STK40: variants seen among roughly 807,000 people sequenced by gnomAD.
STK40 encodes serine/threonine-protein kinase 40.
STK40 carries 13 observed loss-of-function variants against 47.9 expected under a neutral mutation model. The observed-to-expected ratio is 0.27, with a 90% CI of 0.18 to 0.43. The LOEUF (loss-of-function observed/expected upper bound fraction) is 0.43. Ranked by LOEUF, STK40 falls within the 20% of genes least tolerant of loss-of-function variation. The probability of loss-of-function intolerance (pLI) is 1.00; values close to 1 mark genes in which losing one functional copy is unlikely to be tolerated. For missense variants in STK40, 460 were observed against 595.1 expected, an observed-to-expected ratio of 0.77 and a Z score of 2.36; for synonymous variants, 225 against 243.2, an observed-to-expected ratio of 0.93 and a Z score of 0.69.
chr1:36,360,683 G>A (rs934994867), intron 2 of STK40, among the ~76,000 whole-genome samples: 19 of 152,052 alleles, frequency 1.2e-4, no homozygotes, highest in African/African-American at 4.6e-4. Flanking sequence ...CTACAGGCAT[G>A]TGACACCACA....
At chr1:36,348,383 C>G (rs1294047629) in intron 7 of STK40, among the ~76,000 whole-genome samples, 3 of 152,200 alleles carry the variant, frequency 2.0e-5, no homozygotes, top group Admixed American at 6.5e-5. Context: ...CAGGGAATTC[C>G]TAGTTTCCCT....
At chr1:36,356,692 T>A (rs1376336893) in intron 4 of STK40, among the ~76,000 whole-genome samples, 1 of 152,150 alleles carries the variant, frequency 6.6e-6, no homozygotes, top group Non-Finnish European at 1.5e-5. Flanking sequence ...CCCAAAGTGC[T>A]GGGTTTACAG....
intron 1 of STK40, among the ~76,000 whole-genome samples, chr1:36,384,729 A>G (rs1647071028): frequency 6.6e-6 from 1 of 152,246 alleles, no homozygotes; most frequent in Admixed American, 6.5e-5. Flanking sequence ...GACTGTCTAG[A>G]TTAACCCAAC....
chr1:36,367,849 T>G (rs1646914948), intron 1 of STK40: 1 of 985,566 alleles, frequency 1.0e-6, no homozygotes, highest in African/African-American at 1.7e-5. Context: ...GGCAATTACC[T>G]ACTTGACATA....
chr1:36,385,093 T>A (rs968645091), intron 1 of STK40, among the ~76,000 whole-genome samples: 3 of 152,188 alleles, frequency 2.0e-5, no homozygotes, highest in African/African-American at 7.2e-5. Flanking sequence ...CCTACCTAAC[T>A]GGCTGGAAGG....
intron 6 of STK40, among the ~76,000 whole-genome samples, chr1:36,353,954 G>A (rs1255257152): frequency 6.6e-6 from 1 of 152,112 alleles, no homozygotes. Context: ...TGTAGAGATG[G>A]GGTCTTCATT....
intron 1 of STK40, among the ~76,000 whole-genome samples, chr1:36,383,405 A>C (rs748297510): frequency 1.2e-4 from 19 of 152,246 alleles, no homozygotes; most frequent in Non-Finnish European, 2.5e-4. Flanking sequence ...AGAGGGGCAC[A>C]TGTGCCAGGC....
In STK40 at chr1:36,358,250, C is replaced by G; in HGVS notation, c.331G>C (p.Gly111Arg). The change falls in exon 4 of 11, where the codon GGC becomes CGC. Residue 111 changes from glycine (G) to arginine (R), a missense_variant. Gly to Arg is a moderately radical substitution (Grantham distance 125). This residue lies in a region of STK40 where 277 missense variants were observed against 358.7 expected (regional missense o/e 0.77). Transcript: ENST00000373132. ...HTQDGVVHHHGLFQDRTCEIV... is the reference protein window; with the variant it reads ...HTQDGVVHHHRLFQDRTCEIV... ...GGAAGGCCGCTCACCTGGAAGAGGC[C>G]GTGGTGGTGCACCACGCCATCCTGC... The G allele has an allele frequency of 1.3e-6, 2 of 1,589,542 alleles. No individual in the cohort carries two copies. Among genetic ancestry groups the G allele is most frequent in the Non-Finnish European group, 1.7e-6 (2 of 1,160,356 alleles).
At chr1:36,378,260 G>C (rs1647008029) in intron 1 of STK40, among the ~76,000 whole-genome samples, 3 of 152,208 alleles carry the variant, frequency 2.0e-5, no homozygotes, top group Non-Finnish European at 4.4e-5. Context: ...AGCCAGGATG[G>C]AGGAAGGGAA....
At chr1:36,350,736 T>C (rs1282662946) in intron 6 of STK40, among the ~76,000 whole-genome samples, 2 of 152,150 alleles carry the variant, frequency 1.3e-5, no homozygotes, top group African/African-American at 2.4e-5. Context: ...GGTGCCATGG[T>C]GTGACAACAG....
At position 36,385,820 on chromosome 1, in the gene STK40, G is replaced by T; in HGVS notation, c.-106C>A. Reference sequence around the variant, plus strand: ...GGGGGGCCGGGGCCGGGCTGGAGGCGTGCGAGCCTCTCACCGCCGCCTCCC... The same window carrying T: ...GGGGGGCCGGGGCCGGGCTGGAGGCTTGCGAGCCTCTCACCGCCGCCTCCC... On this transcript the variant is annotated 5_prime_UTR_variant, in exon 1 of 11. Coordinates refer to ENST00000373132, the MANE Select transcript of STK40 (RefSeq NM_001282547.2). The T allele has an allele frequency of 5.7e-6, 1 of 174,762 alleles. No individual in the cohort carries two copies. The highest frequency in any genetic ancestry group is 1.2e-5 in the Non-Finnish European group (1 of 85,808). The allele number at this position is 174,762 out of a possible 1,614,324, so 10.8% of individuals were successfully genotyped here.
Position 36,341,725 on chromosome 1 carries a change from C to A in STK40, c.*30G>T, listed in dbSNP as rs766369452. 1.2e-5 allele frequency: 20 copies of A among 1,605,044 alleles called. No homozygotes were observed. The South Asian group carries it at 2.0e-4, about 16-fold the overall frequency. On this transcript the variant is annotated 3_prime_UTR_variant, in exon 11 of 11. Transcript: ENST00000373132. ...CTTTGGCTGGGGCTGGAAGAAGTGG[C>A]AGCAGTGCTGGTGGCCCCGGCTGAG...
intron 7 of STK40, among the ~76,000 whole-genome samples, chr1:36,344,841 G>T (rs1160597410): frequency 1.3e-5 from 2 of 152,244 alleles, no homozygotes; most frequent in Non-Finnish European, 1.5e-5. Context: ...TCACCTCTCT[G>T]TGAGAGTTTC....
At chr1:36,372,135 AATG>A (rs1441189114) in intron 1 of STK40, among the ~76,000 whole-genome samples, 10 of 152,300 alleles carry the variant, frequency 6.6e-5, no homozygotes, top group Admixed American at 4.6e-4. Context: ...GCTGGTACAT[AATG>A]ATAACTGATC....
At chr1:36,380,857 C>T (rs759473666) in intron 1 of STK40, among the ~76,000 whole-genome samples, 2 of 152,192 alleles carry the variant, frequency 1.3e-5, no homozygotes, top group Non-Finnish European at 2.9e-5. Flanking sequence ...CAGGGGTCTA[C>T]AAGACCTTCC....
intron 1 of STK40, among the ~76,000 whole-genome samples, chr1:36,379,564 T>C (rs1349526740): frequency 6.6e-6 from 1 of 152,074 alleles, no homozygotes; most frequent in African/African-American, 2.4e-5. Flanking sequence ...GTATTTTTAG[T>C]AGATACAGGG....
At chr1:36,353,959 T>C (rs1422742261) in intron 6 of STK40, among the ~76,000 whole-genome samples, 1 of 152,194 alleles carries the variant, frequency 6.6e-6, no homozygotes, top group East Asian at 1.9e-4. Flanking sequence ...AGATGGGGTC[T>C]TCATTATGTT....
At chr1:36,363,814 CAAAAAAA>C (rs1319661356) in intron 1 of STK40, among the ~76,000 whole-genome samples, 4 of 55,138 alleles carry the variant, frequency 7.3e-5, no homozygotes, top group Non-Finnish European at 1.1e-4. Context: ...GACTCTGTCT[CAAAAAAA>C]AAAAAAAAAA....
chr1:36,366,590 C>T (rs1201123077), intron 1 of STK40, among the ~76,000 whole-genome samples: 1 of 152,128 alleles, frequency 6.6e-6, no homozygotes, highest in Admixed American at 6.6e-5. Context: ...CAGAGACACG[C>T]CTGCAAGTGG....
Sources: gnomAD v4.1 joint callset for allele counts (sites outside exome capture counted in the v4.1 genomes callset) on GRCh38, gnomAD v4.1.1 for gene constraint, gnomAD v4.1.1 regional missense constraint, MANE v1.5 for transcripts, NCBI Gene and HGNC (gene_info 2026-07-23, HGNC 2026-07-21) for gene names.